The following DCC variants were observed in gnomAD, a reference collection of about 807,000 sequenced individuals.
DCC encodes DCC netrin 1 receptor, also known as netrin receptor DCC.
Under a neutral mutation model 172.5 loss-of-function variants are expected in DCC, and 58 were observed. The observed-to-expected ratio is 0.34, with a 90% CI of 0.27 to 0.42. The LOEUF (loss-of-function observed/expected upper bound fraction) is 0.42, where lower values mean the gene tolerates loss of function less well. DCC is among the 10% of genes least tolerant of loss of function. The pLI is 1.00. For missense variants in DCC, 1,740 were observed against 1,791.0 expected, an observed-to-expected ratio of 0.97 and a Z score of 0.51; for synonymous variants, 709 against 644.5, an observed-to-expected ratio of 1.10 and a Z score of -1.52.
At chr18:52,752,435 G>A (rs1293520784) in intron 2 of DCC, 61 bp downstream of exon 2, 12 of 1,317,402 alleles carry the variant, frequency 9.1e-6, no homozygotes, top group Non-Finnish European at 1.3e-5. Flanking sequence ...ATTCATTTTT[G>A]GGGATGAGAA....
chr18:52,895,455 G>A (rs963452671), intron 2 of DCC, among the ~76,000 whole-genome samples: 2 of 152,152 alleles, frequency 1.3e-5, no homozygotes, highest in Admixed American at 1.3e-4. Context: ...GTGAAGAGTT[G>A]CTTGCAAATT....
intron 12 of DCC, among the ~76,000 whole-genome samples, chr18:53,281,306 C>T (rs920927736): frequency 1.3e-5 from 2 of 152,114 alleles, no homozygotes; most frequent in African/African-American, 4.8e-5. Context: ...TATTATCCAA[C>T]ATTTTCTCTC....
chr18:53,526,540 A>C, intron 27 of DCC, 77 bp from the exon 28 acceptor site: 4 of 1,432,538 alleles, frequency 2.8e-6, no homozygotes, highest in Non-Finnish European at 3.9e-6. Context: ...AATCTCCTGG[A>C]TATGGTGTAT....
At chr18:53,045,786 T>A (rs889747683) in intron 5 of DCC, among the ~76,000 whole-genome samples, 9 of 151,912 alleles carry the variant, frequency 5.9e-5, no homozygotes, top group African/African-American at 2.2e-4. Context: ...TCTTCCCGAC[T>A]AAAATAAACT....
intron 1 of DCC, among the ~76,000 whole-genome samples, chr18:52,484,453 C>A (rs755273471): frequency 6.6e-6 from 1 of 152,128 alleles, no homozygotes; most frequent in South Asian, 2.1e-4. Flanking sequence ...TCCCATTCAG[C>A]ATTCCTTGAT....
chr18:53,430,991 GC>G (rs1211404361), intron 21 of DCC, among the ~76,000 whole-genome samples: 1 of 151,964 alleles, frequency 6.6e-6, no homozygotes, highest in Admixed American at 6.6e-5. Flanking sequence ...AATGTGTAAG[GC>G]AACCCCTTAA....
At chr18:53,088,485 A>C (rs891163171) in intron 7 of DCC, among the ~76,000 whole-genome samples, 1 of 152,186 alleles carries the variant, frequency 6.6e-6, no homozygotes, top group Non-Finnish European at 1.5e-5. Context: ...GTTGCTTATC[A>C]GCTTAAGGAG....
chr18:52,415,159 T>A (rs935481915), intron 1 of DCC, among the ~76,000 whole-genome samples: 2 of 152,204 alleles, frequency 1.3e-5, no homozygotes, highest in Admixed American at 6.5e-5. Flanking sequence ...TGTCAGGTTG[T>A]TTACCATTTC....
chr18:52,565,537 C>A (rs2033141163), intron 1 of DCC, among the ~76,000 whole-genome samples: 1 of 152,190 alleles, frequency 6.6e-6, no homozygotes, highest in African/African-American at 2.4e-5. Flanking sequence ...GCCATTCTAA[C>A]TGGCATGAGA....
At chr18:53,105,490 G>A (rs1477223096) in intron 7 of DCC, among the ~76,000 whole-genome samples, 1 of 151,988 alleles carries the variant, frequency 6.6e-6, no homozygotes, top group African/African-American at 2.4e-5. Flanking sequence ...AGGAAATGAT[G>A]TGTATTTTTA....
chr18:52,432,356 C>A (rs1474399300), intron 1 of DCC, among the ~76,000 whole-genome samples: 2 of 152,076 alleles, frequency 1.3e-5, no homozygotes, highest in Non-Finnish European at 1.5e-5. Flanking sequence ...GGATTGGTAG[C>A]TTCTTTGATG....
rs117302783 is a variant in DCC, at chr18:53,033,082, A to G, written c.986-30223A>G. Among the ~76,000 whole-genome samples, 798 of 152,190 alleles carry G rather than the reference A, an allele frequency of 5.2e-3. 6 individuals carry two copies. Among genetic ancestry groups the G allele is most frequent in the Admixed American group, 0.023 (352 of 15,264 alleles). ...CTGGTTCTGTGACAAGTGACTGAAG[A>G]CTCCTAAACAGGGTAAAGTCAAAAG... is the stretch of plus-strand genomic sequence containing the variant. On this transcript the variant is annotated intron_variant, in intron 5 of 28. Transcript: ENST00000442544.
intron 1 of DCC, among the ~76,000 whole-genome samples, chr18:52,389,198 C>T (rs1985935632): frequency 6.6e-6 from 1 of 152,064 alleles, no homozygotes; most frequent in Non-Finnish European, 1.5e-5. Flanking sequence ...TTTTGCACTC[C>T]CAGCATGTAT....
chr18:53,451,824 G>A (rs2045418467), intron 23 of DCC, among the ~76,000 whole-genome samples: 1 of 152,034 alleles, frequency 6.6e-6, no homozygotes, highest in South Asian at 2.1e-4. Context: ...GAAGTGACAT[G>A]TTTAGAAAGA....
chr18:53,168,165 A>G (rs4291978), intron 8 of DCC, among the ~76,000 whole-genome samples: 62,499 of 151,962 alleles, frequency 0.41, 13,714 homozygotes, highest in East Asian at 0.71. Context: ...GCGATTCCTC[A>G]AGGATCTACA....
chr18:53,400,348 T>C (rs1909221966), intron 18 of DCC, among the ~76,000 whole-genome samples: 1 of 152,126 alleles, frequency 6.6e-6, no homozygotes, highest in African/African-American at 2.4e-5. Flanking sequence ...TATGATTGGC[T>C]CAAAGTGAGT....
At chr18:53,111,375 T>C (rs1353992024) in intron 7 of DCC, among the ~76,000 whole-genome samples, 1 of 148,704 alleles carries the variant, frequency 6.7e-6, no homozygotes, top group African/African-American at 2.5e-5. Context: ...ATTGTGCACA[T>C]GTACCCTAAA....
intron 8 of DCC, among the ~76,000 whole-genome samples, chr18:53,175,947 C>T (rs902783566): frequency 1.3e-5 from 2 of 152,054 alleles, no homozygotes; most frequent in Non-Finnish European, 2.9e-5. Context: ...GCTACAGTAA[C>T]CAAAACAGCA....
intron 9 of DCC, among the ~76,000 whole-genome samples, chr18:53,197,924 A>G (rs1348922893): frequency 6.6e-6 from 1 of 152,120 alleles, no homozygotes; most frequent in East Asian, 1.9e-4. Context: ...AGGAGCCCCA[A>G]CATCCTATAA....
Sources: allele counts gnomAD v4.1 joint callset (sites outside exome capture counted in the v4.1 genomes callset), GRCh38; gene constraint gnomAD v4.1.1; transcripts MANE v1.5; gene names NCBI Gene and HGNC (gene_info 2026-07-23, HGNC 2026-07-21).